SPATA16: variants seen among roughly 807,000 people sequenced by gnomAD.
The protein encoded by SPATA16 is spermatogenesis associated 16.
In SPATA16, 36 loss-of-function variants were observed where a neutral mutation model predicts 63.3. The ratio of observed to expected loss-of-function variants is 0.57; its 90% CI spans 0.44 to 0.75. SPATA16 has a LOEUF of 0.75. SPATA16 is among the 30% of genes least tolerant of loss of function. SPATA16 has a pLI of 0.00. For synonymous variants in SPATA16, 203 were observed against 216.7 expected, an observed-to-expected ratio of 0.94 and a Z score of 0.56; for missense variants, 646 against 679.3, an observed-to-expected ratio of 0.95 and a Z score of 0.54.
chr3:173,002,372 T>A (rs1734846701), intron 4 of SPATA16, among the ~76,000 whole-genome samples: 2 of 152,170 alleles, frequency 1.3e-5, no homozygotes, highest in Non-Finnish European at 1.5e-5. Context: ...AAATGCAGAC[T>A]GAATAAATGA....
At chr3:173,073,751 GGCACCACCTAGT>G (rs1468072764) in intron 2 of SPATA16, among the ~76,000 whole-genome samples, 1 of 152,222 alleles carries the variant, frequency 6.6e-6, no homozygotes, top group Non-Finnish European at 1.5e-5. Context: ...TCCCCACTGG[GGCACCACCTAGT>G]GAAGCTGTGA....
chr3:173,091,787 C>T lies in SPATA16; in HGVS notation c.612+25333G>A, dbSNP rs116471806. The stretch of plus-strand genomic sequence containing the variant: ...TTCAAATGATTTTGAAGGAACTAGC[C>T]CCTACGTTTGAGAAACTATAGGCCA... On this transcript the variant is annotated intron_variant, in intron 2 of 10. Transcript: ENST00000351008. Among the ~76,000 whole-genome samples the T allele has an allele frequency of 5.9e-3, 891 of 152,028 alleles. 7 individuals are homozygous for T. Among genetic ancestry groups the T allele is most frequent in the African/African-American group, 0.02 (842 of 41,472 alleles).
chr3:173,135,538 C>T (rs1738522155), intron 1 of SPATA16, among the ~76,000 whole-genome samples: 1 of 151,944 alleles, frequency 6.6e-6, no homozygotes, highest in Non-Finnish European at 1.5e-5. Context: ...TCCAAATGCC[C>T]ATGAATCATA....
intron 6 of SPATA16, among the ~76,000 whole-genome samples, chr3:172,947,571 G>A (rs1305319550): frequency 6.6e-6 from 1 of 152,114 alleles, no homozygotes; most frequent in Non-Finnish European, 1.5e-5. Flanking sequence ...GGGTAGAGGT[G>A]CTGATTAGAA....
chr3:172,953,639 C>T (rs1194370197), intron 6 of SPATA16, among the ~76,000 whole-genome samples: 2 of 152,196 alleles, frequency 1.3e-5, no homozygotes, highest in Non-Finnish European at 2.9e-5. Flanking sequence ...CTGCTCAAGA[C>T]GCCAGAGCTG....
chr3:172,998,010 T>C (rs1734728504), intron 4 of SPATA16, among the ~76,000 whole-genome samples: 1 of 152,092 alleles, frequency 6.6e-6, no homozygotes, highest in African/African-American at 2.4e-5. Context: ...CAATACTGAG[T>C]TGACTATTCT....
At chr3:172,894,412 G>A (rs1344327058) in intron 10 of SPATA16, among the ~76,000 whole-genome samples, 1 of 148,714 alleles carries the variant, frequency 6.7e-6, no homozygotes, top group Non-Finnish European at 1.5e-5. Flanking sequence ...AGTGAATTTG[G>A]TATATTATTT....
At chr3:173,002,993 TGAA>T (rs1233510108) in intron 4 of SPATA16, among the ~76,000 whole-genome samples, 4 of 152,144 alleles carry the variant, frequency 2.6e-5, no homozygotes, top group South Asian at 2.1e-4. Flanking sequence ...AGCTTGATAT[TGAA>T]GAAGATTTTT....
At chr3:173,011,057 G>C (rs979109387) in intron 4 of SPATA16, among the ~76,000 whole-genome samples, 2 of 152,092 alleles carry the variant, frequency 1.3e-5, no homozygotes, top group Non-Finnish European at 2.9e-5. Context: ...AAAAAATCAA[G>C]GAGGAGGGAC....
At chr3:172,924,445 T>A in intron 7 of SPATA16, 128 bp from the exon 8 acceptor site, 1 of 711,738 alleles carries the variant, frequency 1.4e-6, no homozygotes, top group Non-Finnish European at 2.4e-6. Flanking sequence ...TAGAAACTAG[T>A]CCCATCCCTA....
intron 3 of SPATA16, among the ~76,000 whole-genome samples, chr3:173,029,421 G>T (rs13322534): frequency 0.27 from 38,767 of 145,372 alleles, 7,656 homozygotes; most frequent in African/African-American, 0.56. Flanking sequence ...TTTTTTGTTT[G>T]TTTGTTTTGT....
intron 3 of SPATA16, among the ~76,000 whole-genome samples, chr3:173,046,056 TA>T (rs1735949332): frequency 1.3e-5 from 2 of 152,090 alleles, no homozygotes; most frequent in South Asian, 4.1e-4. Context: ...TATGTATCAT[TA>T]AAATCTTTGC....
rs759549619 is a variant in SPATA16 at position 173,047,241 on chromosome 3, C to A, written c.758+1708G>T. On this transcript the variant is annotated intron_variant, in intron 3 of 10. Transcript: ENST00000351008. ...TTACTGAATTCTTGTTTACCAGAGA[C>A]TGTTACTTATTTTTAATAACATTGA... 4.0e-5 allele frequency among the ~76,000 whole-genome samples: 6 copies of A among 151,044 alleles called. No individual in the cohort carries two copies. The South Asian group carries it at 8.3e-4, about 21-fold the overall frequency.
At chr3:172,892,975 G>A (rs538144193) in intron 10 of SPATA16, among the ~76,000 whole-genome samples, 11 of 152,284 alleles carry the variant, frequency 7.2e-5, no homozygotes, top group Non-Finnish European at 1.5e-4. Flanking sequence ...AGAATTTTAG[G>A]ATGTCTGATG....
chr3:173,138,443 G>A (rs1453770687), intron 1 of SPATA16, among the ~76,000 whole-genome samples: 1 of 152,056 alleles, frequency 6.6e-6, no homozygotes, highest in Admixed American at 6.5e-5. Flanking sequence ...AAAAACATCA[G>A]CTCAGAGTTA....
intron 3 of SPATA16, among the ~76,000 whole-genome samples, chr3:173,030,888 T>G (rs1202537731): frequency 1.3e-5 from 2 of 152,074 alleles, no homozygotes; most frequent in Non-Finnish European, 2.9e-5. Flanking sequence ...AATGGAATAC[T>G]CTTCAGACTT....
At chr3:172,953,210 C>T (rs1179791506) in intron 6 of SPATA16, among the ~76,000 whole-genome samples, 1 of 152,042 alleles carries the variant, frequency 6.6e-6, no homozygotes, top group Non-Finnish European at 1.5e-5. Context: ...CTCAGTACCA[C>T]CTAGAGTACT....
chr3:173,036,808 C>T (rs1469182483), intron 3 of SPATA16, among the ~76,000 whole-genome samples: 1 of 151,960 alleles, frequency 6.6e-6, no homozygotes, highest in African/African-American at 2.4e-5. Context: ...TATGAAATCA[C>T]TCTTGCAAAA....
chr3:173,126,030 C>T (rs76907203), intron 1 of SPATA16, among the ~76,000 whole-genome samples: 1,635 of 146,508 alleles, frequency 0.011, 28 homozygotes, highest in African/African-American at 0.038. Context: ...CTTCTCTAGG[C>T]GCTGTAGCAT....
Sources: gnomAD v4.1 joint callset for allele counts (sites outside exome capture counted in the v4.1 genomes callset) on GRCh38, gnomAD v4.1.1 for gene constraint, MANE v1.5 for transcripts, NCBI Gene and HGNC (gene_info 2026-07-23, HGNC 2026-07-21) for gene names.